Variants in CMKLR1 observed in about 807,000 individuals in gnomAD.
The protein encoded by CMKLR1 is chemerin-like receptor 1.
CMKLR1 carries 6 observed loss-of-function variants against 8.2 expected under a neutral mutation model. The observed-to-expected ratio is 0.73, with a 90% confidence interval of 0.40 to 1.44. The LOEUF (loss-of-function observed/expected upper bound fraction) is 1.44, where lower values mean the gene tolerates loss of function less well. CMKLR1 is among the 40% of genes most tolerant of loss of function. CMKLR1 has a pLI of 0.02. For missense variants in CMKLR1, 429 were observed against 478.0 expected (o/e 0.90, Z 0.96); for synonymous variants, 178 against 181.2 (o/e 0.98, Z 0.14).
intron 2 of CMKLR1, among the ~76,000 whole-genome samples, chr12:108,295,636 T>C (rs1336593149): frequency 6.6e-6 from 1 of 152,182 alleles, no homozygotes; most frequent in Non-Finnish European, 1.5e-5. Context: ...AGTTGAGTTT[T>C]AAGGACAAGT....
chr12:108,292,792 G>A lies in CMKLR1; in HGVS notation c.171C>T (p.Gly57=). The stretch of plus-strand genomic sequence containing the variant: ...TGGCAATGATGATCACCAGACCATT[G>A]CCCAGAATCCCGAGGAAGCAGACGA... The part of the protein sequence containing the change: ...YSIVCFLGIL[G]NGLVIIIATF... Residue 57 remains glycine, a synonymous_variant, in exon 4 of 4, where the codon GGC becomes GGT. Transcript: ENST00000550402. 2 of 1,614,108 alleles carry A rather than the reference G, an allele frequency of 1.2e-6. No homozygotes were observed. The highest frequency in any genetic ancestry group is 2.2e-5 in the South Asian group (2 of 91,068).
intron 2 of CMKLR1, among the ~76,000 whole-genome samples, chr12:108,306,242 A>T (rs1265765845): frequency 6.6e-6 from 1 of 151,846 alleles, no homozygotes; most frequent in Non-Finnish European, 1.5e-5. Flanking sequence ...CCACAGCCAC[A>T]CTCCTTGGGT....
intron 1 of CMKLR1, among the ~76,000 whole-genome samples, chr12:108,331,641 T>A (rs753390704): frequency 6.6e-6 from 1 of 152,182 alleles, no homozygotes; most frequent in Admixed American, 6.5e-5. Context: ...AATCTTGAGA[T>A]GGTGGGATTA....
At chr12:108,335,318 T>A (rs1251111062) in intron 1 of CMKLR1, among the ~76,000 whole-genome samples, 1 of 152,034 alleles carries the variant, frequency 6.6e-6, no homozygotes, top group Non-Finnish European at 1.5e-5. Flanking sequence ...TGAGTGGAAG[T>A]CATGTCTGCT....
chr12:108,319,104 C>A (rs1327909561), intron 2 of CMKLR1, among the ~76,000 whole-genome samples: 3 of 152,208 alleles, frequency 2.0e-5, no homozygotes, highest in Non-Finnish European at 4.4e-5. Flanking sequence ...GCCTTTGTCT[C>A]CCTCTTCCTG....
At chr12:108,293,446 G>T in intron 3 of CMKLR1, 143 bp downstream of exon 3, 1 of 796,896 alleles carries the variant, frequency 1.3e-6, no homozygotes, top group Non-Finnish European at 2.1e-6. Context: ...TAAGTGCAAT[G>T]AAGAAGAGGT....
intron 2 of CMKLR1, among the ~76,000 whole-genome samples, chr12:108,304,104 T>C (rs889831867): frequency 1.3e-5 from 2 of 152,154 alleles, no homozygotes; most frequent in African/African-American, 4.8e-5. Flanking sequence ...TCGATGACAG[T>C]GTTAAGCAGG....
At chr12:108,303,582 G>C (rs142847468) in intron 2 of CMKLR1, among the ~76,000 whole-genome samples, 7 of 152,306 alleles carry the variant, frequency 4.6e-5, no homozygotes, top group African/African-American at 1.7e-4. Flanking sequence ...CTCAGAGACA[G>C]GCTTCAAGCC....
At chr12:108,301,283 GC>G (rs1260133053) in intron 2 of CMKLR1, among the ~76,000 whole-genome samples, 3 of 151,870 alleles carry the variant, frequency 2.0e-5, no homozygotes, top group African/African-American at 7.3e-5. Flanking sequence ...CACCATGTTA[GC>G]CAGGATGGTC....
At chr12:108,303,336 G>C (rs1891327112) in intron 2 of CMKLR1, among the ~76,000 whole-genome samples, 1 of 152,206 alleles carries the variant, frequency 6.6e-6, no homozygotes. Context: ...GAAAGGGACA[G>C]GGCCTCAAGG....
chr12:108,308,645 T>C (rs1380610141), intron 2 of CMKLR1, among the ~76,000 whole-genome samples: 1 of 152,134 alleles, frequency 6.6e-6, no homozygotes, highest in Non-Finnish European at 1.5e-5. Context: ...AAATAGAGGT[T>C]CTATTAGAGG....
intron 1 of CMKLR1, among the ~76,000 whole-genome samples, chr12:108,330,952 C>G (rs1445776003): frequency 6.6e-6 from 1 of 152,156 alleles, no homozygotes; most frequent in Non-Finnish European, 1.5e-5. Flanking sequence ...ACCTTCTCCC[C>G]TCCTAGTTAG....
At chr12:108,324,457 TCA>T (rs1471498777) in intron 2 of CMKLR1, among the ~76,000 whole-genome samples, 1 of 152,036 alleles carries the variant, frequency 6.6e-6, no homozygotes, top group Non-Finnish European at 1.5e-5. Context: ...AGCACTCCCC[TCA>T]GACCTGAAAA....
At chr12:108,309,353 G>T (rs1891492040) in intron 2 of CMKLR1, among the ~76,000 whole-genome samples, 1 of 152,176 alleles carries the variant, frequency 6.6e-6, no homozygotes, top group Non-Finnish European at 1.5e-5. Flanking sequence ...TTCCACCTTT[G>T]AATGGAGACC....
intron 2 of CMKLR1, among the ~76,000 whole-genome samples, chr12:108,311,378 G>T (rs1891567330): frequency 1.3e-5 from 2 of 152,228 alleles, no homozygotes; most frequent in Admixed American, 1.3e-4. Flanking sequence ...ACTTTGGGAG[G>T]CTGAGGCGGG....
intron 2 of CMKLR1, among the ~76,000 whole-genome samples, chr12:108,296,031 C>G (rs1420163938): frequency 6.6e-6 from 1 of 152,164 alleles, no homozygotes; most frequent in Non-Finnish European, 1.5e-5. Flanking sequence ...TGCATCGCCC[C>G]CACCCCAAGA....
chr12:108,326,383 A>G (rs1258966879), intron 2 of CMKLR1, among the ~76,000 whole-genome samples: 1 of 151,820 alleles, frequency 6.6e-6, no homozygotes, highest in African/African-American at 2.4e-5. Flanking sequence ...CAAAACTTCC[A>G]CTCCAGCAAG....
intron 1 of CMKLR1, among the ~76,000 whole-genome samples, chr12:108,336,704 T>C (rs1244355759): frequency 6.6e-6 from 1 of 152,178 alleles, no homozygotes; most frequent in Non-Finnish European, 1.5e-5. Context: ...AAGCTTTTGG[T>C]TTTCTTGTAC....
chr12:108,303,551 A>G (rs897189383), intron 2 of CMKLR1, among the ~76,000 whole-genome samples: 4 of 152,198 alleles, frequency 2.6e-5, no homozygotes, highest in South Asian at 2.1e-4. Context: ...GGTAGGTCCA[A>G]TTAGCCATTC....
Sources: gnomAD v4.1 joint callset for allele counts (sites outside exome capture counted in the v4.1 genomes callset) on GRCh38, gnomAD v4.1.1 for gene constraint, MANE v1.5 for transcripts, NCBI Gene and HGNC (gene_info 2026-07-23, HGNC 2026-07-21) for gene names.